PTK2: variants seen among roughly 807,000 people sequenced by gnomAD.
PTK2 encodes the protein focal adhesion kinase 1.
PTK2 carries 45 observed loss-of-function variants against 150.1 expected under a neutral mutation model. That is an observed-to-expected ratio of 0.30 (90% CI 0.24 to 0.38). The LOEUF (loss-of-function observed/expected upper bound fraction) is 0.38, where lower values mean the gene tolerates loss of function less well. PTK2 is among the 10% of genes least tolerant of loss of function. The pLI is 1.00. For synonymous variants in PTK2, 432 were observed against 449.2 expected (o/e 0.96, Z 0.48); for missense variants, 919 against 1,307.3 (o/e 0.70, Z 4.58).
At chr8:140,689,109 C>G (rs550304941) in intron 26 of PTK2, among the ~76,000 whole-genome samples, 2 of 152,134 alleles carry the variant, frequency 1.3e-5, no homozygotes, top group Non-Finnish European at 2.9e-5. Flanking sequence ...GGAAACCAAG[C>G]AAACACACGT....
At chr8:140,853,043 T>G (rs1163692337) in intron 5 of PTK2, among the ~76,000 whole-genome samples, 1 of 152,174 alleles carries the variant, frequency 6.6e-6, no homozygotes, top group Non-Finnish European at 1.5e-5. Context: ...GGTAAACACC[T>G]GTTTTCTCTC....
chr8:140,982,158 T>C (rs2100191681), intron 1 of PTK2, among the ~76,000 whole-genome samples: 1 of 151,638 alleles, frequency 6.6e-6, no homozygotes, highest in Admixed American at 6.6e-5. Flanking sequence ...CAAGCTACAG[T>C]TTATTTTGAT....
intron 1 of PTK2, among the ~76,000 whole-genome samples, chr8:140,932,766 A>G (rs910237873): frequency 6.6e-6 from 1 of 152,212 alleles, no homozygotes; most frequent in African/African-American, 2.4e-5. Context: ...GACTAACAGC[A>G]GCAGAGACTA....
chr8:140,867,657 C>G (rs1159434216), intron 4 of PTK2, among the ~76,000 whole-genome samples: 1 of 152,014 alleles, frequency 6.6e-6, no homozygotes, highest in Non-Finnish European at 1.5e-5. Context: ...AGAAAAATAC[C>G]TGGTTGATGA....
intron 16 of PTK2, among the ~76,000 whole-genome samples, chr8:140,760,904 A>C (rs1347498962): frequency 2.0e-5 from 3 of 152,174 alleles, no homozygotes; most frequent in African/African-American, 7.2e-5. Flanking sequence ...AAGAACAGTC[A>C]CCTATAAAAA....
intron 17 of PTK2, chr8:140,750,077 T>TA (rs2100061792): frequency 6.6e-6 from 1 of 152,238 alleles, no homozygotes; most frequent in South Asian, 2.1e-4. Context: ...GCCTAGGTGC[T>TA]ATGCAGAAAT....
At chr8:140,848,155 A>G (rs1038182866) in intron 5 of PTK2, among the ~76,000 whole-genome samples, 3 of 152,228 alleles carry the variant, frequency 2.0e-5, no homozygotes, top group Non-Finnish European at 4.4e-5. Flanking sequence ...GAAGCGCTAC[A>G]ATTCACTGAT....
At chr8:140,782,840 A>T (rs1194748650) in intron 14 of PTK2, among the ~76,000 whole-genome samples, 1 of 152,150 alleles carries the variant, frequency 6.6e-6, no homozygotes, top group Admixed American at 6.6e-5. Flanking sequence ...AGTCAGCACT[A>T]TCCTATTCCT....
chr8:140,687,002 C>T (rs1033343459), intron 26 of PTK2: 1 of 310,672 alleles, frequency 3.2e-6, no homozygotes, highest in Non-Finnish European at 6.0e-6. Flanking sequence ...CTGAGATACC[C>T]GCAACCCCAG....
chr8:140,707,782 A>T (rs2100034645), intron 23 of PTK2, among the ~76,000 whole-genome samples: 1 of 152,244 alleles, frequency 6.6e-6, no homozygotes, highest in Non-Finnish European at 1.5e-5. Flanking sequence ...ATCATTAATA[A>T]CAAAATGGGA....
At chr8:140,865,052 C>T (rs1305391580) in intron 4 of PTK2, among the ~76,000 whole-genome samples, 1 of 152,174 alleles carries the variant, frequency 6.6e-6, no homozygotes, top group Non-Finnish European at 1.5e-5. Context: ...GTTCCAGTTC[C>T]TCTATATCTT....
chr8:140,924,386 G>C (rs1051493839), intron 2 of PTK2, among the ~76,000 whole-genome samples: 1 of 152,102 alleles, frequency 6.6e-6, no homozygotes, highest in East Asian at 1.9e-4. Flanking sequence ...TCAACATTCA[G>C]TTTATTGTTT....
At chr8:140,788,446 G>A (rs1025094116) in intron 14 of PTK2, among the ~76,000 whole-genome samples, 1 of 152,122 alleles carries the variant, frequency 6.6e-6, no homozygotes, top group African/African-American at 2.4e-5. Context: ...CACTTTGGGA[G>A]GCCGAGGCAG....
chr8:140,971,098 T>C (rs11774305), intron 1 of PTK2, among the ~76,000 whole-genome samples: 1 of 151,912 alleles, frequency 6.6e-6, no homozygotes, highest in African/African-American at 2.4e-5. Context: ...AAAAAATTAG[T>C]CTCTAAGAAT....
At chr8:140,812,846 T>C (rs1555118651) in intron 10 of PTK2, among the ~76,000 whole-genome samples, 1 of 151,952 alleles carries the variant, frequency 6.6e-6, no homozygotes, top group Non-Finnish European at 1.5e-5. Flanking sequence ...CCTAAATATA[T>C]AAAAAAACCA....
chr8:140,659,201 T>C, exon 32 of PTK2: 1 of 491,256 alleles, frequency 2.0e-6, no homozygotes, highest in Non-Finnish European at 3.6e-6. Context: ...AAAGCTTACA[T>C]ATAATTTTCA....
chr8:140,836,754 T>A (rs2100118890), intron 7 of PTK2, among the ~76,000 whole-genome samples: 1 of 152,186 alleles, frequency 6.6e-6, no homozygotes, highest in South Asian at 2.1e-4. Context: ...GTGTGGGGAA[T>A]ACATTCCCCG....
chr8:140,864,064 G>T (rs896571164), intron 5 of PTK2, among the ~76,000 whole-genome samples: 1 of 152,152 alleles, frequency 6.6e-6, no homozygotes, highest in Non-Finnish European at 1.5e-5. Flanking sequence ...TAAAGCTCAA[G>T]AAATGATTGT....
intron 4 of PTK2, among the ~76,000 whole-genome samples, chr8:140,877,799 G>A (rs1207040402): frequency 6.6e-6 from 1 of 152,050 alleles, no homozygotes; most frequent in African/African-American, 2.4e-5. Flanking sequence ...CAGTAAAGCA[G>A]TGCCTATTCA....
Sources: gnomAD v4.1 joint callset for allele counts (sites outside exome capture counted in the v4.1 genomes callset) on GRCh38, gnomAD v4.1.1 for gene constraint, MANE v1.5 for transcripts, NCBI Gene and HGNC (gene_info 2026-07-23, HGNC 2026-07-21) for gene names.